Variants in SPATA6 observed in about 807,000 individuals in gnomAD.
The protein encoded by SPATA6 is spermatogenesis associated 6.
A neutral mutation model predicts 65.3 loss-of-function variants in SPATA6; 56 were observed. The ratio of observed to expected loss-of-function variants is 0.86; its 90% CI spans 0.69 to 1.07. The LOEUF (loss-of-function observed/expected upper bound fraction) is 1.07, where lower values mean the gene tolerates loss of function less well. SPATA6 is among the 50% of genes least tolerant of loss of function. The pLI is 0.00. For missense variants in SPATA6, 590 were observed against 594.8 expected (o/e 0.99, Z 0.08); for synonymous variants, 199 against 213.2 (o/e 0.93, Z 0.58).
intron 3 of SPATA6, among the ~76,000 whole-genome samples, chr1:48,444,969 TTG>T (rs1168374928): frequency 6.6e-6 from 1 of 152,212 alleles, no homozygotes; most frequent in Non-Finnish European, 1.5e-5. Flanking sequence ...CATGTTCAAT[TTG>T]TTTTTTAATA....
chr1:48,288,904 G>A, the SPATA6 span, among the ~76,000 whole-genome samples: 159 of 152,340 alleles, frequency 1.0e-3, no homozygotes, highest in African/African-American at 3.7e-3. Flanking sequence ...GCCTCTGTAG[G>A]CTCCACCTCT....
At chr1:48,328,112 A>T (rs552473446) in intron 11 of SPATA6, among the ~76,000 whole-genome samples, 2 of 152,250 alleles carry the variant, frequency 1.3e-5, no homozygotes, top group African/African-American at 4.8e-5. Flanking sequence ...ATCATTAGTC[A>T]GAAGGGAAAT....
At position 48,451,619 on chromosome 1, in the gene SPATA6, G is replaced by A; in HGVS notation, c.190-19C>T. On this transcript the variant is annotated intron_variant, in intron 2 of 12. Coordinates refer to ENST00000371847, the MANE Select transcript of SPATA6 (RefSeq NM_019073.4). ...GGAACACCTATAGTGAGACGATACA[G>A]GGAGAGGCAGGAAGGAAGATATATA... 1 of 1,603,166 alleles carries A rather than the reference G, an allele frequency of 6.2e-7. No individual in the cohort carries two copies. Among genetic ancestry groups the A allele is most frequent in the Non-Finnish European group, 8.5e-7 (1 of 1,175,518 alleles).
At chr1:48,354,601 A>G (rs577713380) in intron 11 of SPATA6, among the ~76,000 whole-genome samples, 9 of 152,242 alleles carry the variant, frequency 5.9e-5, no homozygotes, top group Admixed American at 5.2e-4. Context: ...CAGGTAAAAC[A>G]GGATGTCTAA....
the SPATA6 span, among the ~76,000 whole-genome samples, chr1:48,282,012 C>G: frequency 6.6e-6 from 1 of 152,044 alleles, no homozygotes; most frequent in Admixed American, 6.6e-5. Flanking sequence ...CAGAACAGAG[C>G]CCTCAGAAAT....
chr1:48,313,037 G>A (rs956740903), intron 11 of SPATA6, among the ~76,000 whole-genome samples: 1 of 152,148 alleles, frequency 6.6e-6, no homozygotes, highest in Non-Finnish European at 1.5e-5. Flanking sequence ...AGAAATATGG[G>A]ACTATGTGAA....
At chr1:48,344,913 C>T (rs1438499193) in intron 11 of SPATA6, among the ~76,000 whole-genome samples, 2 of 152,030 alleles carry the variant, frequency 1.3e-5, no homozygotes, top group Admixed American at 6.6e-5. Context: ...TAGACTCCCA[C>T]AAAATAACAG....
At chr1:48,368,349 T>G (rs1647103508) in intron 9 of SPATA6, among the ~76,000 whole-genome samples, 1 of 152,232 alleles carries the variant, frequency 6.6e-6, no homozygotes, top group Admixed American at 6.5e-5. Context: ...TCTGCCTTGC[T>G]AGATTGGGGA....
chr1:48,460,349 T>C (rs553668282), intron 1 of SPATA6, among the ~76,000 whole-genome samples: 4 of 152,266 alleles, frequency 2.6e-5, no homozygotes, highest in Admixed American at 6.5e-5. Flanking sequence ...AAAAAAGCAT[T>C]TGACAAAATT....
intron 1 of SPATA6, among the ~76,000 whole-genome samples, chr1:48,457,223 G>C (rs1281032060): frequency 6.6e-6 from 1 of 152,190 alleles, no homozygotes; most frequent in African/African-American, 2.4e-5. Context: ...CCTGAGGTCA[G>C]GAGTTCGAGA....
In SPATA6 at chr1:48,449,971, C is replaced by T. The variant is rs575745443; in HGVS notation, c.238+1581G>A. Among the ~76,000 whole-genome samples the T allele has an allele frequency of 5.9e-5, 9 of 152,162 alleles. No individual in the cohort carries two copies. In the South Asian group the frequency reaches 1.9e-3, roughly 32 times the overall value. On this transcript the variant is annotated intron_variant, in intron 3 of 12. Transcript: ENST00000371847. ...ATATTGAAGCTGGGTGACAGATACA[C>T]AGGACTTCATCACATTCTATTCTCT...
intron 11 of SPATA6, among the ~76,000 whole-genome samples, chr1:48,340,454 G>A (rs764786657): frequency 4.0e-5 from 6 of 151,014 alleles, no homozygotes; most frequent in Non-Finnish European, 7.4e-5. Context: ...ACTTTAAAGA[G>A]GAAGGAATAT....
intron 9 of SPATA6, among the ~76,000 whole-genome samples, chr1:48,363,177 G>A (rs574895728): frequency 3.9e-5 from 6 of 152,202 alleles, no homozygotes; most frequent in East Asian, 1.9e-4. Flanking sequence ...AAGGGGTTAC[G>A]AGGTAAAACG....
intron 10 of SPATA6, 94 bp from the exon 11 acceptor site, chr1:48,355,863 G>A: frequency 5.3e-6 from 5 of 935,560 alleles, no homozygotes; most frequent in Middle Eastern, 3.1e-4. Flanking sequence ...TCAACAAATA[G>A]TCTTAATAAA....
intron 9 of SPATA6, among the ~76,000 whole-genome samples, chr1:48,362,189 T>C (rs1299183027): frequency 5.9e-5 from 9 of 151,906 alleles, no homozygotes; most frequent in Non-Finnish European, 1.3e-4. Context: ...AGGAGTTCTA[T>C]GTTGCAGTGA....
intron 9 of SPATA6, among the ~76,000 whole-genome samples, chr1:48,369,421 G>A (rs1442439058): frequency 6.6e-6 from 1 of 152,206 alleles, no homozygotes; most frequent in Non-Finnish European, 1.5e-5. Context: ...AGCTGTGGTG[G>A]GCTCCACCCA....
intron 3 of SPATA6, among the ~76,000 whole-genome samples, chr1:48,429,836 A>G (rs993890819): frequency 1.3e-5 from 2 of 152,210 alleles, no homozygotes; most frequent in African/African-American, 2.4e-5. Flanking sequence ...GAAACATACA[A>G]TAACTAAAAT....
intron 9 of SPATA6, among the ~76,000 whole-genome samples, chr1:48,375,600 A>C (rs1441644960): frequency 6.6e-6 from 1 of 152,132 alleles, no homozygotes; most frequent in African/African-American, 2.4e-5. Context: ...CCATGTTTCT[A>C]GAATTGCAAA....
chr1:48,309,924 G>C (rs1223002637), intron 11 of SPATA6, among the ~76,000 whole-genome samples: 1 of 152,158 alleles, frequency 6.6e-6, no homozygotes, highest in Non-Finnish European at 1.5e-5. Flanking sequence ...GTAACTGATT[G>C]TTTATGCAGA....
Sources: gnomAD v4.1 joint callset for allele counts (sites outside exome capture counted in the v4.1 genomes callset) on GRCh38, gnomAD v4.1.1 for gene constraint, MANE v1.5 for transcripts, NCBI Gene and HGNC (gene_info 2026-07-23, HGNC 2026-07-21) for gene names.